RSPO2: variants seen among roughly 807,000 people sequenced by gnomAD.
RSPO2 encodes R-spondin-2.
Under a neutral mutation model 30.9 loss-of-function variants are expected in RSPO2, and 14 were observed. That is an observed-to-expected ratio of 0.45 (90% confidence interval 0.30 to 0.71). The LOEUF is 0.71. Among genes scored for constraint, RSPO2 ranks in the 30% least tolerant of loss-of-function variants. The pLI is 0.08. For synonymous variants in RSPO2, 107 were observed against 96.4 expected, an observed-to-expected ratio of 1.11 and a Z score of -0.64; for missense variants, 264 against 301.9, an observed-to-expected ratio of 0.87 and a Z score of 0.93.
chr8:108,006,142 A>T (rs1815445098), intron 2 of RSPO2, among the ~76,000 whole-genome samples: 1 of 152,288 alleles, frequency 6.6e-6, no homozygotes, highest in Non-Finnish European at 1.5e-5. Flanking sequence ...AAAGTTTCTA[A>T]ATTAGAATAT....
intron 2 of RSPO2, among the ~76,000 whole-genome samples, chr8:108,029,054 C>CTTTTTTTTTTTTTTTTTTTTTTTTT (rs71308771): frequency 3.8e-5 from 1 of 26,200 alleles, no homozygotes; most frequent in African/African-American, 7.5e-5. Context: ...TAACATGAGT[C>CTTTTTTTTTTTTTTTTTTTTTTTTT]TTTTTTTTTT....
chr8:108,072,160 G>A (rs985161840), intron 2 of RSPO2, among the ~76,000 whole-genome samples: 2 of 151,980 alleles, frequency 1.3e-5, no homozygotes, highest in South Asian at 2.1e-4. Flanking sequence ...GGTAAAGTAA[G>A]TCTTCAAAAT....
chr8:107,979,395 G>T (rs1361626835), intron 3 of RSPO2, among the ~76,000 whole-genome samples: 1 of 152,122 alleles, frequency 6.6e-6, no homozygotes, highest in Non-Finnish European at 1.5e-5. Flanking sequence ...CATGGATGAA[G>T]CTGGAAACCA....
intron 2 of RSPO2, among the ~76,000 whole-genome samples, chr8:108,060,919 A>C (rs1418265749): frequency 6.6e-6 from 1 of 151,828 alleles, no homozygotes; most frequent in Non-Finnish European, 1.5e-5. Context: ...CCAGAATTTC[A>C]TATCCAGCCA....
At chr8:107,925,116 G>A (rs996695452) in intron 5 of RSPO2, among the ~76,000 whole-genome samples, 1 of 151,918 alleles carries the variant, frequency 6.6e-6, no homozygotes, top group Non-Finnish European at 1.5e-5. Context: ...TGAATTCAGA[G>A]TGATATGATG....
chr8:108,058,922 C>T (rs908910185), intron 2 of RSPO2, among the ~76,000 whole-genome samples: 50 of 151,588 alleles, frequency 3.3e-4, no homozygotes, highest in Admixed American at 7.2e-4. Flanking sequence ...CATTACCATT[C>T]AGGACATAGG....
chr8:107,900,995 A>T lies in RSPO2; in HGVS notation c.*80T>A. On this transcript the variant is annotated 3_prime_UTR_variant, in exon 6 of 6. Coordinates refer to ENST00000276659, the MANE Select transcript of RSPO2 (RefSeq NM_178565.5). ...GGGCAGAGCAGCACAAAGGCTGCAC[A>T]CCAGTGTGCAGGAGTGGAGAGTAGC... The T allele has an allele frequency of 2.7e-6, 4 of 1,474,682 alleles. No homozygotes were observed. In the South Asian group the frequency reaches 5.0e-5, roughly 19 times the overall value. 91.3% of individuals were successfully genotyped at this position (1,474,682 alleles called of 1,614,324 possible).
chr8:107,977,989 T>C (rs2453423), intron 3 of RSPO2, among the ~76,000 whole-genome samples: 150,081 of 152,022 alleles, frequency 0.99, 74,084 homozygotes, highest in East Asian at 1. Context: ...CACATCTCTA[T>C]GCAACTGTGT....
chr8:107,935,043 G>A (rs1005435782), intron 5 of RSPO2, among the ~76,000 whole-genome samples: 4 of 152,164 alleles, frequency 2.6e-5, no homozygotes, highest in South Asian at 2.1e-4. Flanking sequence ...GGATGGCTGC[G>A]ATTTTCAGGG....
At chr8:108,038,201 T>C (rs1434194754) in intron 2 of RSPO2, among the ~76,000 whole-genome samples, 1 of 152,180 alleles carries the variant, frequency 6.6e-6, no homozygotes, top group Admixed American at 6.5e-5. Flanking sequence ...CCAGCCCTCA[T>C]GTATAACTTC....
intron 5 of RSPO2, among the ~76,000 whole-genome samples, chr8:107,933,743 A>G (rs1220151424): frequency 1.3e-5 from 2 of 152,232 alleles, no homozygotes; most frequent in Non-Finnish European, 2.9e-5. Flanking sequence ...ACGACAAAAC[A>G]GTCTATAAAT....
intron 3 of RSPO2, among the ~76,000 whole-genome samples, chr8:107,971,266 A>G (rs1453463675): frequency 6.6e-6 from 1 of 152,224 alleles, no homozygotes; most frequent in Non-Finnish European, 1.5e-5. Context: ...AATTACCTCT[A>G]TTAAACGGAA....
rs574447552 is a variant in RSPO2 at position 108,058,855 on chromosome 8, G to A, written c.94+23690C>T. 1.9e-3 allele frequency among the ~76,000 whole-genome samples: 290 copies of A among 151,726 alleles called. 1 individual carries two copies. The Middle Eastern group carries it at 0.02, about 11-fold the overall frequency. On this transcript the variant is annotated intron_variant, in intron 2 of 5. Transcript: ENST00000276659. ...CTTATATAAAAATTAATTCAAGATG[G>A]ATTAAGTACTTAAACATTAGACCTA... is the stretch of plus-strand genomic sequence containing the variant.
chr8:107,983,103 T>C (rs1341634410), intron 3 of RSPO2: 1 of 1,404,450 alleles, frequency 7.1e-7, no homozygotes, highest in Non-Finnish European at 9.7e-7. Flanking sequence ...AGGCCGCCGC[T>C]TACCCCAGGG....
chr8:108,072,041 T>C (rs1453799780), intron 2 of RSPO2, among the ~76,000 whole-genome samples: 1 of 152,064 alleles, frequency 6.6e-6, no homozygotes, highest in Non-Finnish European at 1.5e-5. Context: ...AGAGTTATAT[T>C]TTTGGGGGTG....
In RSPO2 at chr8:107,981,747, C is replaced by G. The variant is rs138571127; in HGVS notation, c.283+7309G>C. On this transcript the variant is annotated intron_variant, in intron 3 of 5. Coordinates refer to ENST00000276659, the MANE Select transcript of RSPO2 (RefSeq NM_178565.5). ...TAGCAGCTCACACCCATAATCTCAA[C>G]TACTTGCGAGGCTGAAGTGGGAGGA... Among the ~76,000 whole-genome samples, 999 of 152,150 alleles carry G rather than the reference C, an allele frequency of 6.6e-3. 13 individuals are homozygous for G. Among genetic ancestry groups the G allele is most frequent in the African/African-American group, 0.022 (930 of 41,506 alleles).
At chr8:107,970,651 T>C (rs1813965225) in intron 3 of RSPO2, among the ~76,000 whole-genome samples, 1 of 152,214 alleles carries the variant, frequency 6.6e-6, no homozygotes, top group Non-Finnish European at 1.5e-5. Flanking sequence ...TCACACTGTA[T>C]TGATAAATCA....
intron 5 of RSPO2, among the ~76,000 whole-genome samples, chr8:107,939,199 A>G (rs1419804005): frequency 6.6e-6 from 1 of 152,040 alleles, no homozygotes; most frequent in Admixed American, 6.6e-5. Context: ...TCATATGGCC[A>G]CCGGCAGGAA....
chr8:108,047,053 A>G (rs1485476539), intron 2 of RSPO2, among the ~76,000 whole-genome samples: 1 of 152,230 alleles, frequency 6.6e-6, no homozygotes, highest in Non-Finnish European at 1.5e-5. Context: ...AGCAGAAAGT[A>G]GCACGTAGAG....
Sources: allele counts gnomAD v4.1 joint callset (sites outside exome capture counted in the v4.1 genomes callset), GRCh38; gene constraint gnomAD v4.1.1; transcripts MANE v1.5; gene names NCBI Gene and HGNC (gene_info 2026-07-23, HGNC 2026-07-21).